CDH26: variants seen among roughly 807,000 people sequenced by gnomAD.
CDH26 encodes cadherin 26.
A neutral mutation model predicts 90.3 loss-of-function variants in CDH26; 83 were observed. The ratio of observed to expected loss-of-function variants is 0.92; its 90% confidence interval spans 0.77 to 1.10. CDH26 has a LOEUF of 1.10. Ranked by LOEUF, CDH26 falls within the 50% of genes least tolerant of loss-of-function variation. The pLI is 0.00. For missense variants in CDH26, 1,013 were observed against 1,037.6 expected, an observed-to-expected ratio of 0.98 and a Z score of 0.33; for synonymous variants, 397 against 396.3, an observed-to-expected ratio of 1.00 and a Z score of -0.02.
chr20:60,023,614 T>C (rs555616292), intron 7 of CDH26, among the ~76,000 whole-genome samples: 66 of 152,200 alleles, frequency 4.3e-4, no homozygotes, highest in African/African-American at 1.5e-3. Context: ...AGCAATGTTC[T>C]ACAAGAGAGA....
intron 1 of CDH26, among the ~76,000 whole-genome samples, chr20:59,959,947 T>C (rs1251863244): frequency 1.3e-5 from 2 of 152,214 alleles, no homozygotes; most frequent in Non-Finnish European, 2.9e-5. Context: ...ATCTGCTTCG[T>C]TGGCTTTCTG....
Position 59,973,626 on chromosome 20 carries a change from A to G in CDH26, c.393+1503A>G, listed in dbSNP as rs187868120. 1.3e-3 allele frequency among the ~76,000 whole-genome samples: 194 copies of G among 152,214 alleles called. 1 individual carries two copies. In the East Asian group the frequency reaches 0.035, roughly 27 times the overall value. On this transcript the variant is annotated intron_variant, in intron 4 of 17. Coordinates refer to ENST00000348616, the MANE Select transcript of CDH26 (RefSeq NM_177980.4). ...TGTTCTCATCATTTAGCTCCTATCT[A>G]TAAGTGAGAACATGCAGTATTGGTT...
intron 16 of CDH26, among the ~76,000 whole-genome samples, chr20:60,003,097 T>A (rs1235395922): frequency 6.6e-6 from 1 of 152,208 alleles, no homozygotes; most frequent in Non-Finnish European, 1.5e-5. Flanking sequence ...CCTGGCAAAT[T>A]TCTTTTGCTG....
intron 16 of CDH26, 113 bp from the exon 17 acceptor site, chr20:60,006,600 C>T: frequency 1.3e-6 from 1 of 741,296 alleles, no homozygotes; most frequent in South Asian, 1.6e-5. Flanking sequence ...TCTTCACCTC[C>T]AAGAGAACGG....
At chr20:60,009,445 C>T (rs139566592) in intron 17 of CDH26, among the ~76,000 whole-genome samples, 5 of 152,328 alleles carry the variant, frequency 3.3e-5, no homozygotes, top group African/African-American at 7.2e-5. Context: ...CACACGTGAA[C>T]GCATGCACAT....
intron 4 of CDH26, among the ~76,000 whole-genome samples, chr20:59,973,271 C>T (rs535201828): frequency 6.6e-6 from 1 of 152,322 alleles, no homozygotes; most frequent in Non-Finnish European, 1.5e-5. Flanking sequence ...GGCTTCCACA[C>T]ATTGAGTAGG....
chr20:59,994,201 C>T, intron 10 of CDH26, 49 bp from the exon 11 acceptor site: 1 of 1,610,270 alleles, frequency 6.2e-7, no homozygotes, highest in South Asian at 1.1e-5. Flanking sequence ...TTCTCCAGAG[C>T]TGTGTGTGCA....
At chr20:60,025,079 C>T (rs2061985822) in intron 7 of CDH26, among the ~76,000 whole-genome samples, 1 of 152,202 alleles carries the variant, frequency 6.6e-6, no homozygotes, top group Non-Finnish European at 1.5e-5. Flanking sequence ...CAGAGTCCCT[C>T]ACACTGGCAG....
intron 7 of CDH26, among the ~76,000 whole-genome samples, chr20:60,026,390 T>TAGAGAG (rs60922926): frequency 0.03 from 4,191 of 139,252 alleles, 78 homozygotes; most frequent in Middle Eastern, 0.053. Context: ...TGGCTGGAGT[T>TAGAGAG]AGAGAGAGAG....
intron 8 of CDH26, chr20:60,033,351 G>C (rs374428765): frequency 8.5e-7 from 1 of 1,170,206 alleles, no homozygotes; most frequent in African/African-American, 1.6e-5. Flanking sequence ...CCTCCTTCGT[G>C]TACACAGGCT....
chr20:59,970,103 C>T lies in CDH26; in HGVS notation c.148C>T (p.Arg50Trp), dbSNP rs536661438. 20 of 1,613,820 alleles carry T rather than the reference C, an allele frequency of 1.2e-5. No homozygotes were observed. The highest frequency in any genetic ancestry group is 2.7e-5 in the African/African-American group (2 of 75,002). ...CCAGGAAAAGATCTACCAGCCTCTA[C>T]GGCGATCCAAGAGAAGATGGGTTAT... ...QTKEKIYQPL[R>W]RSKRRWVITT... The change falls in exon 3 of 18, where the codon CGG becomes TGG. Residue 50 changes from arginine to tryptophan, a missense_variant. Coordinates refer to ENST00000348616, the MANE Select transcript of CDH26 (RefSeq NM_177980.4).
At chr20:59,996,167 C>A in intron 12 of CDH26, 113 bp downstream of exon 12, 2 of 1,150,666 alleles carry the variant, frequency 1.7e-6, no homozygotes, top group Non-Finnish European at 2.4e-6. Flanking sequence ...GGTGGAATGG[C>A]TTTGAGAATG....
intron 7 of CDH26, among the ~76,000 whole-genome samples, chr20:60,022,357 C>T (rs747752718): frequency 2.6e-5 from 4 of 152,178 alleles, no homozygotes; most frequent in Non-Finnish European, 5.9e-5. Context: ...CCAAAGATAG[C>T]GGCAGTCTGA....
At chr20:60,031,082 T>C in intron 7 of CDH26, 1 of 902,608 alleles carries the variant, frequency 1.1e-6, no homozygotes. Context: ...ATGCTTCCCC[T>C]TTTTAGGCCA....
At chr20:60,004,301 T>C (rs1343478802) in intron 16 of CDH26, among the ~76,000 whole-genome samples, 1 of 152,184 alleles carries the variant, frequency 6.6e-6, no homozygotes, top group Non-Finnish European at 1.5e-5. Flanking sequence ...TGTTGTTAGG[T>C]GATTTCATCA....
intron 7 of CDH26, among the ~76,000 whole-genome samples, chr20:60,026,427 G>GAGAGAGAGAGAGAGAGA (rs2061998538): frequency 8.6e-6 from 1 of 116,776 alleles, no homozygotes; most frequent in South Asian, 2.7e-4. Flanking sequence ...AGAGAGAGAG[G>GAGAGAGAGAGAGAGAGA]GAGAAGAGGA....
In CDH26 at chr20:60,012,901, C is replaced by A; in HGVS notation, c.*171C>A. 1.7e-6 allele frequency: 1 copy of A among 575,474 alleles called. No individual in the cohort carries two copies. Among genetic ancestry groups the A allele is most frequent in the Non-Finnish European group, 2.9e-6 (1 of 339,042 alleles). 35.6% of individuals were successfully genotyped at this position (575,474 alleles called of 1,614,324 possible). A position where few individuals can be genotyped will look rare whatever the true frequency, so the allele number is the denominator to read the frequency against. On this transcript the variant is annotated 3_prime_UTR_variant, in exon 18 of 18. Transcript: ENST00000348616. ...AAATGCTTTGATATTCTCAGATCAG[C>A]CATCTTGAACCAAAGCAAAACCACA...
At chr20:60,022,029 C>T (rs2061962822) in intron 7 of CDH26, among the ~76,000 whole-genome samples, 1 of 151,520 alleles carries the variant, frequency 6.6e-6, no homozygotes, top group Admixed American at 6.6e-5. Flanking sequence ...TCAGCCTTTC[C>T]CTTTACATGC....
chr20:59,986,182 G>A (rs1466642915), intron 7 of CDH26: 2 of 152,232 alleles, frequency 1.3e-5, no homozygotes, highest in Non-Finnish European at 2.9e-5. Context: ...AAGGTGAGCA[G>A]GTAGGCTTTG....
Sources: gnomAD v4.1 joint callset for allele counts (sites outside exome capture counted in the v4.1 genomes callset) on GRCh38, gnomAD v4.1.1 for gene constraint, MANE v1.5 for transcripts, NCBI Gene and HGNC (gene_info 2026-07-23, HGNC 2026-07-21) for gene names.